The following ELFN2 variants were observed in gnomAD, a reference collection of about 807,000 sequenced individuals.
ELFN2 encodes protein phosphatase 1 regulatory subunit 29.
In ELFN2, 17 loss-of-function variants were observed where a neutral mutation model predicts 45.5. The ratio of observed to expected loss-of-function variants is 0.37; its 90% CI spans 0.26 to 0.56. The LOEUF (loss-of-function observed/expected upper bound fraction) is 0.56, where lower values mean the gene tolerates loss of function less well. ELFN2 is among the 20% of genes least tolerant of loss of function. ELFN2 has a pLI of 0.77. For synonymous variants in ELFN2, 550 were observed against 551.5 expected (o/e 1.00, Z 0.04); for missense variants, 922 against 1,183.2 (o/e 0.78, Z 3.24).
chr22:37,372,998 C>A lies in ELFN2; in HGVS notation c.*74G>T. ...TTGGCCCCCGAGTCTGCTCCCCGCC[C>A]TGGCCGCCTGGACCCTTCCCCCAAA... On this transcript the variant is annotated 3_prime_UTR_variant, in exon 3 of 3. Transcript: ENST00000402918. The surrounding 1 kb of genome is among the most constrained non-coding windows in gnomAD (Gnocchi z 4.4). The A allele has an allele frequency of 6.7e-7, 1 of 1,499,732 alleles. No homozygotes were observed. Among genetic ancestry groups the A allele is most frequent in the East Asian group, 2.3e-5 (1 of 43,502 alleles). The allele number at this position is 1,499,732 out of a possible 1,614,324, so 92.9% of individuals were successfully genotyped here.
At chr22:37,409,212 C>T (rs906777785) in intron 2 of ELFN2, among the ~76,000 whole-genome samples, 2 of 152,202 alleles carry the variant, frequency 1.3e-5, no homozygotes. Flanking sequence ...GCCTGGCACT[C>T]GCCTACCCGG....
At position 37,378,238 on chromosome 22, in the gene ELFN2, G is replaced by T. The variant is rs137891072; in HGVS notation, c.-462-2242C>A. On this transcript the variant is annotated intron_variant, in intron 2 of 2. Coordinates refer to ENST00000402918, the MANE Select transcript of ELFN2 (RefSeq NM_052906.5). Reference sequence around the variant, plus strand: ...AGGGGCAGGAAGGTATGTGTGTCGGGGACATCCCAGAGAATGCAAGCACCC... The same window carrying T: ...AGGGGCAGGAAGGTATGTGTGTCGGTGACATCCCAGAGAATGCAAGCACCC... Among the ~76,000 whole-genome samples, 971 of 152,298 alleles carry T rather than the reference G, an allele frequency of 6.4e-3. 7 individuals carry two copies. The highest frequency in any genetic ancestry group is 0.022 in the African/African-American group (907 of 41,546).
rs367769449 is a variant in ELFN2 at position 37,415,595 on chromosome 22, C to G, written c.-463+2174G>C. 7.2e-5 allele frequency among the ~76,000 whole-genome samples: 11 copies of G among 152,324 alleles called. No individual in the cohort carries two copies. The East Asian group carries it at 1.2e-3, about 16-fold the overall frequency. On this transcript the variant is annotated intron_variant, in intron 2 of 2. Transcript: ENST00000402918. ...CCACTAAGGGTCATGGGGAAAGGTA[C>G]GATGCCACAGAACTCTAGTGAGATC...
In ELFN2 at chr22:37,375,154, G is replaced by A. The variant is rs368962010; in HGVS notation, c.381C>T (p.Ser127=). 2.1e-4 allele frequency: 336 copies of A among 1,613,830 alleles called. No individual in the cohort carries two copies. Among genetic ancestry groups the A allele is most frequent in the Non-Finnish European group, 2.8e-4 (328 of 1,180,032 alleles). Residue 127 remains serine (S), a synonymous_variant, in exon 3 of 3, where the codon AGC becomes AGT. Transcript: ENST00000402918. ...NLTEGMLRGM[S]RLQFLFVQHN... ...GCTGGACAAAGAGGAACTGCAGGCG[G>A]CTCATGCCTCGCAGCATGCCCTCCG...
intron 1 of ELFN2, among the ~76,000 whole-genome samples, chr22:37,356,593 C>G (rs534587743): frequency 6.6e-6 from 1 of 152,134 alleles, no homozygotes; most frequent in African/African-American, 2.4e-5. Flanking sequence ...TCTACACCTG[C>G]GCACCCACCT....
intron 1 of ELFN2, among the ~76,000 whole-genome samples, chr22:37,348,802 C>T (rs1292501727): frequency 6.6e-6 from 1 of 150,468 alleles, no homozygotes; most frequent in African/African-American, 2.4e-5. Context: ...TGGAGGTCAG[C>T]CGGACGCTGC....
intron 2 of ELFN2, among the ~76,000 whole-genome samples, chr22:37,396,969 G>C (rs761650371): frequency 1.3e-5 from 2 of 152,206 alleles, no homozygotes; most frequent in African/African-American, 4.8e-5. Context: ...GGAGGCTTCC[G>C]GAGGGCAGCT....
chr22:37,414,414 G>A (rs1010131017), intron 2 of ELFN2, among the ~76,000 whole-genome samples: 1 of 152,160 alleles, frequency 6.6e-6, no homozygotes, highest in East Asian at 1.9e-4. Flanking sequence ...CAAGGTCAAA[G>A]GCCAGTGAAT....
chr22:37,409,897 C>T (rs1017289098), intron 2 of ELFN2, among the ~76,000 whole-genome samples: 1 of 152,134 alleles, frequency 6.6e-6, no homozygotes, highest in Non-Finnish European at 1.5e-5. Flanking sequence ...CCAGGAAACA[C>T]GGGTCAGTGA....
chr22:37,366,834 T>C (rs1050054263), downstream of ELFN2, among the ~76,000 whole-genome samples: 1 of 152,214 alleles, frequency 6.6e-6, no homozygotes, highest in South Asian at 2.1e-4. Flanking sequence ...GCACTGAGCC[T>C]GTGTGAGGGC....
chr22:37,350,051 G>T (rs1349645886), intron 1 of ELFN2, among the ~76,000 whole-genome samples: 2 of 150,998 alleles, frequency 1.3e-5, no homozygotes, highest in Non-Finnish European at 3.0e-5. Flanking sequence ...GGGGTGTGAG[G>T]CTGCCTGGGC....
intron 1 of ELFN2, among the ~76,000 whole-genome samples, chr22:37,423,692 C>T (rs1345123894): frequency 3.9e-5 from 6 of 152,288 alleles, no homozygotes; most frequent in African/African-American, 1.4e-4. Context: ...ATTATTATCA[C>T]TATAGTTATT....
intron 1 of ELFN2, chr22:37,353,999 G>A (rs868483975): frequency 2.0e-5 from 3 of 152,298 alleles, no homozygotes; most frequent in Non-Finnish European, 4.4e-5. Context: ...CTTGCCAAAC[G>A]GGAAACGACC....
intron 2 of ELFN2, among the ~76,000 whole-genome samples, chr22:37,416,801 G>A (rs529844287): frequency 5.3e-5 from 8 of 150,886 alleles, no homozygotes; most frequent in Non-Finnish European, 7.4e-5. Flanking sequence ...TCCGTCCTCC[G>A]GGGCGCACCC....
intron 1 of ELFN2, among the ~76,000 whole-genome samples, chr22:37,425,321 T>C (rs1569146481): frequency 6.6e-6 from 1 of 152,118 alleles, no homozygotes; most frequent in Non-Finnish European, 1.5e-5. Flanking sequence ...CTTCGGGGGT[T>C]CCAGTCCTGG....
At chr22:37,367,812 T>C (rs1247290497), downstream of ELFN2, 1 of 152,386 alleles carries the variant, frequency 6.6e-6, no homozygotes, top group Non-Finnish European at 1.5e-5. Flanking sequence ...GCCTTCTTTT[T>C]TCCTTGACCG....
chr22:37,368,299 G>C lies in ELFN2; in HGVS notation c.*4773C>G, dbSNP rs532003201. The stretch of plus-strand genomic sequence containing the variant: ...GCTCCTGAGGAAGGGAGGGAGGGAG[G>C]GAAGTGTGGCCGCCACTGCAGGAAC... On this transcript the variant is annotated 3_prime_UTR_variant, in exon 3 of 3. Coordinates refer to ENST00000402918, the MANE Select transcript of ELFN2 (RefSeq NM_052906.5). 1 of 152,432 alleles carries C rather than the reference G, an allele frequency of 6.6e-6. No individual in the cohort carries two copies. Among genetic ancestry groups the C allele is most frequent in the East Asian group, 1.9e-4 (1 of 5,194 alleles). 9.4% of individuals were successfully genotyped at this position (152,432 alleles called of 1,614,324 possible).
At chr22:37,383,923 C>T (rs904917576) in intron 2 of ELFN2, among the ~76,000 whole-genome samples, 3 of 152,160 alleles carry the variant, frequency 2.0e-5, no homozygotes, top group Non-Finnish European at 4.4e-5. Flanking sequence ...AGTGTGACCT[C>T]GGGCAAGTCA....
rs934452983 is a variant in ELFN2 at position 37,373,856 on chromosome 22, G to A, written c.1679C>T (p.Ala560Val). The A allele has an allele frequency of 6.2e-7, 1 of 1,613,282 alleles. No homozygotes were observed. Among genetic ancestry groups the A allele is most frequent in the African/African-American group, 1.3e-5 (1 of 75,060 alleles). ...GCTGCTGCCGCCTCCCAGAAAAGAGGCCGAGTCCAGCTTGAGAGCATCGAT... is the reference window on the plus strand; with the variant it reads ...GCTGCTGCCGCCTCCCAGAAAAGAGACCGAGTCCAGCTTGAGAGCATCGAT... ...NCIDALKLDSASFLGGGSSSG... is the reference protein window; with the variant it reads ...NCIDALKLDSVSFLGGGSSSG... The change falls in exon 3 of 3, where the codon GCC becomes GTC. Residue 560 changes from alanine (A) to valine (V), a missense_variant. This residue lies in a region of ELFN2 where 564 missense variants were observed against 642.8 expected (regional missense o/e 0.88). Transcript: ENST00000402918.
Sources: gnomAD v4.1 joint callset for allele counts (sites outside exome capture counted in the v4.1 genomes callset) on GRCh38, gnomAD v4.1.1 for gene constraint, gnomAD v4.1.1 regional missense constraint, Gnocchi (gnomAD v3.1) non-coding constraint, MANE v1.5 for transcripts, NCBI Gene and HGNC (gene_info 2026-07-23, HGNC 2026-07-21) for gene names.